The following PALM2AKAP2 variants were observed in gnomAD, a reference collection of about 807,000 sequenced individuals.
PALM2AKAP2 encodes PALM2-AKAP2 fusion protein.
A neutral mutation model predicts 71.5 loss-of-function variants in PALM2AKAP2; 37 were observed. That is an observed-to-expected ratio of 0.52 (90% CI 0.40 to 0.68). The LOEUF is 0.68. PALM2AKAP2 is among the 30% of genes least tolerant of loss of function. The pLI is 0.00. For synonymous variants in PALM2AKAP2, 468 were observed against 478.8 expected (o/e 0.98, Z 0.29); for missense variants, 1,224 against 1,191.8 (o/e 1.03, Z -0.40).
chr9:109,885,118 A>G (rs944036201), intron 3 of PALM2AKAP2, among the ~76,000 whole-genome samples: 10 of 152,202 alleles, frequency 6.6e-5, no homozygotes, highest in Non-Finnish European at 1.3e-4. Context: ...TCACCTTTTA[A>G]TTCTTATTCT....
At chr9:109,872,659 A>G (rs1395348423) in intron 2 of PALM2AKAP2, among the ~76,000 whole-genome samples, 1 of 152,236 alleles carries the variant, frequency 6.6e-6, no homozygotes, top group African/African-American at 2.4e-5. Context: ...ATGAAAAAAG[A>G]TGAAAGGCTG....
At chr9:109,657,938 T>TTATGTGTGTG (rs1554703802) in intron 1 of PALM2AKAP2, among the ~76,000 whole-genome samples, 3 of 142,440 alleles carry the variant, frequency 2.1e-5, no homozygotes, top group African/African-American at 7.9e-5. Flanking sequence ...TTGTGTGTGT[T>TTATGTGTGTG]TGTGTGTGTG....
intron 1 of PALM2AKAP2, among the ~76,000 whole-genome samples, chr9:109,805,937 T>C (rs1827558943): frequency 6.6e-6 from 1 of 152,180 alleles, no homozygotes; most frequent in Non-Finnish European, 1.5e-5. Context: ...TTGCCTGAGA[T>C]GGGAAGAATT....
At chr9:110,137,716 T>A (rs369171030) in exon 2 of PALM2AKAP2, 1 of 1,614,188 alleles carries the variant, frequency 6.2e-7, no homozygotes, top group Non-Finnish European at 8.5e-7. Flanking sequence ...CCCTATCCAA[T>A]GATTTCAGCA....
chr9:109,840,043 G>T (rs1828609554), intron 1 of PALM2AKAP2, among the ~76,000 whole-genome samples: 1 of 152,152 alleles, frequency 6.6e-6, no homozygotes, highest in African/African-American at 2.4e-5. Flanking sequence ...CCAAAAAAGA[G>T]CCCGCATTGC....
At chr9:109,755,858 G>C (rs545548725) in intron 1 of PALM2AKAP2, among the ~76,000 whole-genome samples, 154 of 152,164 alleles carry the variant, frequency 1.0e-3, no homozygotes, top group Non-Finnish European at 1.8e-3. Context: ...CAGTGCTTTT[G>C]CACAGAGTAA....
intron 6 of PALM2AKAP2, among the ~76,000 whole-genome samples, chr9:109,990,303 G>A (rs750247028): frequency 2.2e-4 from 34 of 152,072 alleles, no homozygotes; most frequent in Non-Finnish European, 3.2e-4. Context: ...CCAGTGATCC[G>A]CCTGTCTCAG....
At chr9:110,050,716 C>T (rs1188831960) in intron 1 of PALM2AKAP2, among the ~76,000 whole-genome samples, 1 of 152,128 alleles carries the variant, frequency 6.6e-6, no homozygotes, top group East Asian at 1.9e-4. Context: ...CAACCTCTAC[C>T]TCATGGGTTC....
chr9:109,824,887 A>G (rs956908457), intron 1 of PALM2AKAP2, among the ~76,000 whole-genome samples: 2 of 152,182 alleles, frequency 1.3e-5, no homozygotes, highest in Non-Finnish European at 2.9e-5. Context: ...GCTGTTAACG[A>G]TGTCATGTTT....
intron 1 of PALM2AKAP2, among the ~76,000 whole-genome samples, chr9:109,800,243 A>G (rs1444524952): frequency 6.6e-6 from 1 of 152,236 alleles, no homozygotes. Context: ...AACTAATTTT[A>G]GGGCCAAAGA....
chr9:110,077,468 C>A (rs766976097), intron 1 of PALM2AKAP2, among the ~76,000 whole-genome samples: 3 of 152,076 alleles, frequency 2.0e-5, no homozygotes, highest in Non-Finnish European at 2.9e-5. Context: ...AGACAGAAAG[C>A]GGGTTATATG....
intron 1 of PALM2AKAP2, among the ~76,000 whole-genome samples, chr9:109,761,998 T>C (rs1018091694): frequency 1.5e-4 from 23 of 152,172 alleles, no homozygotes; most frequent in Admixed American, 6.5e-4. Context: ...TACCATCTCA[T>C]GCCAGTTAGA....
chr9:110,071,096 G>A lies in PALM2AKAP2; in HGVS notation c.156+22241G>A, dbSNP rs143796319. ...GGAGAATTGCTTGAACTCGAGAGGC[G>A]GAGGCTGCAGGGAGCCCAGATCATG... On this transcript the variant is annotated intron_variant, in intron 1 of 3. Coordinates refer to ENST00000374525, the Ensembl canonical transcript of PALM2AKAP2. 9.5e-5 allele frequency among the ~76,000 whole-genome samples: 14 copies of A among 148,066 alleles called. No homozygotes were observed. In the East Asian group the frequency reaches 1.4e-3, roughly 15 times the overall value.
At chr9:110,138,264 C>A (rs745471428) in exon 2 of PALM2AKAP2, 1 of 1,614,180 alleles carries the variant, frequency 6.2e-7, no homozygotes, top group South Asian at 1.1e-5. Context: ...GAGACCAGGC[C>A]CGAAGGAAGC....
At chr9:109,735,436 A>G (rs1828615676) in intron 1 of PALM2AKAP2, among the ~76,000 whole-genome samples, 1 of 152,012 alleles carries the variant, frequency 6.6e-6, no homozygotes, top group Non-Finnish European at 1.5e-5. Flanking sequence ...GGTTAAAGGC[A>G]GTTTCATGGG....
chr9:110,016,067 C>CA, intron 7 of PALM2AKAP2, 28 bp downstream of exon 7: 1 of 1,603,600 alleles, frequency 6.2e-7, no homozygotes, highest in Non-Finnish European at 8.5e-7. Flanking sequence ...GGTTGATTCT[C>CA]AAAGTGTATC....
Position 109,729,431 on chromosome 9 carries a change from CCA to C in PALM2AKAP2, c.6-51054_6-51053del, listed in dbSNP as rs1484142271. ...AGGCATCATGAGGATTGGATCGCTT[CCA>C]CAGGCAGTGGACATTAGATGATTCT... On this transcript the variant is annotated intron_variant, in intron 1 of 6. Transcript: ENST00000374531. Among the ~76,000 whole-genome samples, 5 of 152,320 alleles carry C rather than the reference CCA, an allele frequency of 3.3e-5. No individual in the cohort carries two copies. In the South Asian group the frequency reaches 8.3e-4, roughly 25 times the overall value.
intron 1 of PALM2AKAP2, among the ~76,000 whole-genome samples, chr9:110,112,131 G>A (rs757519529): frequency 5.3e-5 from 8 of 151,946 alleles, no homozygotes; most frequent in Non-Finnish European, 7.4e-5. Context: ...GGAGTATTTA[G>A]AGAACTCCAG....
At chr9:109,852,041 T>A (rs972614637) in intron 1 of PALM2AKAP2, among the ~76,000 whole-genome samples, 3 of 152,144 alleles carry the variant, frequency 2.0e-5, no homozygotes, top group Non-Finnish European at 2.9e-5. Context: ...AAAGTGGTTC[T>A]GAGCACAAAC....
Sources: allele counts gnomAD v4.1 joint callset (sites outside exome capture counted in the v4.1 genomes callset), GRCh38; gene constraint gnomAD v4.1.1; transcripts MANE v1.5; gene names NCBI Gene and HGNC (gene_info 2026-07-23, HGNC 2026-07-21).